The following PTPRC variants were observed in gnomAD, a reference collection of about 807,000 sequenced individuals.
The protein encoded by PTPRC is protein tyrosine phosphatase receptor type C, also known as receptor-type tyrosine-protein phosphatase C.
PTPRC carries 44 observed loss-of-function variants against 155.9 expected under a neutral mutation model. That is an observed-to-expected ratio of 0.28 (90% CI 0.22 to 0.36). The LOEUF (loss-of-function observed/expected upper bound fraction) is 0.36. Among genes scored for constraint, PTPRC ranks in the 10% least tolerant of loss-of-function variants. The pLI is 1.00. For missense variants in PTPRC, 1,401 were observed against 1,564.6 expected, an observed-to-expected ratio of 0.90 and a Z score of 1.76; for synonymous variants, 525 against 533.1, an observed-to-expected ratio of 0.98 and a Z score of 0.21.
At chr1:198,745,047 C>T (rs907136611) in intron 26 of PTPRC, among the ~76,000 whole-genome samples, 2 of 151,794 alleles carry the variant, frequency 1.3e-5, no homozygotes, top group African/African-American at 4.8e-5. Flanking sequence ...TGTTTTCTTG[C>T]TTTTCTAGCT....
chr1:198,735,675 T>C (rs557678505), intron 23 of PTPRC, among the ~76,000 whole-genome samples: 53 of 151,800 alleles, frequency 3.5e-4, no homozygotes, highest in African/African-American at 1.2e-3. Context: ...GTTCTAACTA[T>C]GCAGCAGAGA....
intron 27 of PTPRC, among the ~76,000 whole-genome samples, chr1:198,749,081 G>T (rs1168710568): frequency 6.6e-6 from 1 of 151,604 alleles, no homozygotes; most frequent in Non-Finnish European, 1.5e-5. Flanking sequence ...TATGTATTTT[G>T]TAAACTTATA....
intron 3 of PTPRC, chr1:198,694,690 A>G: frequency 1.0e-6 from 1 of 979,706 alleles, no homozygotes; most frequent in Non-Finnish European, 1.2e-6. Flanking sequence ...TAATGTGAAT[A>G]GAAAGAATTC....
intron 2 of PTPRC, among the ~76,000 whole-genome samples, chr1:198,672,240 T>C (rs1444900764): frequency 6.6e-6 from 1 of 152,258 alleles, no homozygotes; most frequent in East Asian, 1.9e-4. Context: ...CTCTGGTTCA[T>C]ATTTGATGAG....
chr1:198,724,051 G>T (rs920804257), intron 15 of PTPRC, among the ~76,000 whole-genome samples: 1 of 152,088 alleles, frequency 6.6e-6, no homozygotes, highest in Non-Finnish European at 1.5e-5. Context: ...GCAATCAAGG[G>T]TCATTTTGCC....
intron 23 of PTPRC, among the ~76,000 whole-genome samples, chr1:198,737,281 A>AGAGTT (rs1354215100): frequency 4.6e-5 from 7 of 151,644 alleles, no homozygotes; most frequent in African/African-American, 1.7e-4. Context: ...AATGCCCTGG[A>AGAGTT]GAGTTTCCCC....
intron 3 of PTPRC, among the ~76,000 whole-genome samples, chr1:198,695,721 G>A (rs1356082229): frequency 1.3e-5 from 2 of 152,038 alleles, no homozygotes; most frequent in African/African-American, 2.4e-5. Flanking sequence ...TATTATTTCA[G>A]TATTTTAAAT....
chr1:198,726,281 G>A (rs1426511471), intron 15 of PTPRC, among the ~76,000 whole-genome samples: 1 of 152,142 alleles, frequency 6.6e-6, no homozygotes, highest in Non-Finnish European at 1.5e-5. Context: ...CACTGGTATG[G>A]ATTGACAATT....
At chr1:198,726,134 G>A (rs1336954366) in intron 15 of PTPRC, among the ~76,000 whole-genome samples, 3 of 152,184 alleles carry the variant, frequency 2.0e-5, no homozygotes, top group African/African-American at 7.2e-5. Flanking sequence ...GGATTGGAAT[G>A]CTAACTTACA....
intron 6 of PTPRC, among the ~76,000 whole-genome samples, chr1:198,702,739 A>T (rs961693894): frequency 7.2e-5 from 11 of 152,238 alleles, no homozygotes; most frequent in Non-Finnish European, 4.4e-5. Flanking sequence ...ATATTATAAA[A>T]GTCCATGGCA....
At position 198,642,907 on chromosome 1, in the gene PTPRC, CCTTTCTTTCTTTCTTTCTTT is replaced by C. The variant is rs550706909; in HGVS notation, c.73+3611_73+3630del. 1.4e-4 allele frequency among the ~76,000 whole-genome samples: 13 copies of C among 93,764 alleles called. 1 individual carries two copies. Among genetic ancestry groups the C allele is most frequent in the African/African-American group, 3.7e-4 (9 of 24,322 alleles). The allele number at this position is 93,764 out of a possible 152,430, so 61.5% of individuals were successfully genotyped here. On this transcript the variant is annotated intron_variant, in intron 2 of 32. Transcript: ENST00000442510. ...ATCTTTTTTCTTTTCTTTCTTTCTT[CCTTTCTTTCTTTCTTTCTTT>C]CTTTCTTTCTTTCTTTCTTTCTTTC...
intron 15 of PTPRC, among the ~76,000 whole-genome samples, chr1:198,726,521 A>G (rs942945840): frequency 1.3e-5 from 2 of 152,224 alleles, no homozygotes; most frequent in Non-Finnish European, 2.9e-5. Flanking sequence ...GGATAATTTA[A>G]TCTATTTGCC....
chr1:198,696,990 T>C, intron 4 of PTPRC, 81 bp downstream of exon 4: 1 of 1,273,798 alleles, frequency 7.9e-7, no homozygotes, highest in Non-Finnish European at 1.1e-6. Context: ...AACTTGTCTT[T>C]AAATTATTTG....
intron 2 of PTPRC, among the ~76,000 whole-genome samples, chr1:198,671,875 C>G (rs941747341): frequency 2.6e-5 from 4 of 152,182 alleles, no homozygotes; most frequent in Admixed American, 2.6e-4. Flanking sequence ...AAATATTCAC[C>G]TCTGCTTCCA....
At chr1:198,694,621 T>C (rs929324673) in intron 3 of PTPRC, 16 of 985,706 alleles carry the variant, frequency 1.6e-5, no homozygotes, top group Non-Finnish European at 1.9e-5. Flanking sequence ...ACACCAGAAT[T>C]GGTTTAACCT....
intron 2 of PTPRC, among the ~76,000 whole-genome samples, chr1:198,656,557 G>A (rs1318611021): frequency 6.6e-6 from 1 of 151,960 alleles, no homozygotes; most frequent in East Asian, 1.9e-4. Flanking sequence ...AGCTATGAAG[G>A]CACAATGGAA....
At chr1:198,728,562 C>T in intron 16 of PTPRC, 114 bp downstream of exon 16, 1 of 1,263,910 alleles carries the variant, frequency 7.9e-7, no homozygotes, top group East Asian at 2.6e-5. Context: ...AGAGAGAAGA[C>T]AGCATACAGC....
intron 2 of PTPRC, among the ~76,000 whole-genome samples, chr1:198,665,311 T>C (rs1664229611): frequency 6.6e-6 from 1 of 151,654 alleles, no homozygotes; most frequent in Non-Finnish European, 1.5e-5. Context: ...ACCGCCCTGC[T>C]GCCTTTTAAA....
intron 25 of PTPRC, among the ~76,000 whole-genome samples, chr1:198,742,717 T>A (rs1654960613): frequency 6.6e-6 from 1 of 151,916 alleles, no homozygotes; most frequent in African/African-American, 2.4e-5. Flanking sequence ...AATCAACAGC[T>A]GGTTTTAGAA....
Sources: gnomAD v4.1 joint callset for allele counts (sites outside exome capture counted in the v4.1 genomes callset) on GRCh38, gnomAD v4.1.1 for gene constraint, MANE v1.5 for transcripts, NCBI Gene and HGNC (gene_info 2026-07-23, HGNC 2026-07-21) for gene names.